ZPBP: variants seen among roughly 807,000 people sequenced by gnomAD.
ZPBP encodes the protein zona pellucida-binding protein 1.
Under a neutral mutation model 44.8 loss-of-function variants are expected in ZPBP, and 26 were observed. That is an observed-to-expected ratio of 0.58 (90% CI 0.43 to 0.81). ZPBP has a LOEUF of 0.81. ZPBP is among the 30% of genes least tolerant of loss of function. The pLI is 0.00. For missense variants in ZPBP, 409 were observed against 434.0 expected (o/e 0.94, Z 0.51); for synonymous variants, 174 against 153.2 (o/e 1.14, Z -1.00).
intron 4 of ZPBP, among the ~76,000 whole-genome samples, chr7:50,041,244 A>T (rs544001463): frequency 3.2e-4 from 48 of 152,322 alleles, no homozygotes; most frequent in African/African-American, 1.0e-3. Flanking sequence ...CAGCAGGCTT[A>T]ACCGCTCCTG....
rs1281899939 is a variant in ZPBP, at chr7:49,937,456, T to C, written c.*72A>G. 1 of 1,156,856 alleles carries C rather than the reference T, an allele frequency of 8.6e-7. No homozygotes were observed. 71.7% of individuals were successfully genotyped at this position (1,156,856 alleles called of 1,614,324 possible). A position where few individuals can be genotyped will look rare whatever the true frequency, so the allele number is the denominator to read the frequency against. ...TAAAATATGATTAATTTTGGCATAA[T>C]AATTTATTATGTTAATATTTCAAAT... On this transcript the variant is annotated 3_prime_UTR_variant, in exon 8 of 8. Coordinates refer to ENST00000046087, the MANE Select transcript of ZPBP (RefSeq NM_007009.3).
intron 4 of ZPBP, among the ~76,000 whole-genome samples, chr7:50,049,127 AACAG>A (rs1800553778): frequency 1.3e-5 from 2 of 152,104 alleles, no homozygotes; most frequent in Admixed American, 6.6e-5. Flanking sequence ...CTCAAGTAGA[AACAG>A]ACAATCTGAT....
intron 6 of ZPBP, among the ~76,000 whole-genome samples, chr7:50,012,943 G>A (rs541288360): frequency 6.6e-6 from 1 of 151,766 alleles, no homozygotes; most frequent in East Asian, 1.9e-4. Flanking sequence ...TAGCAAGGTG[G>A]CATGATACAA....
At chr7:49,924,147 A>G (rs1055767676) in intron 1 of ZPBP, among the ~76,000 whole-genome samples, 2 of 149,758 alleles carry the variant, frequency 1.3e-5, no homozygotes, top group African/African-American at 2.5e-5. Context: ...AATAATAATA[A>G]TAATAATAAT....
intron 7 of ZPBP, among the ~76,000 whole-genome samples, chr7:49,961,773 G>C (rs1295245702): frequency 1.3e-5 from 2 of 152,040 alleles, no homozygotes; most frequent in Non-Finnish European, 2.9e-5. Flanking sequence ...TAACTGAGGA[G>C]AGAGAGAAGA....
chr7:49,893,127 A>C (rs1792215456), intron 2 of ZPBP, among the ~76,000 whole-genome samples: 1 of 152,228 alleles, frequency 6.6e-6, no homozygotes, highest in Non-Finnish European at 1.5e-5. Flanking sequence ...GAGCATGAGA[A>C]TACTTTAGCC....
At chr7:49,999,790 C>T (rs1303271443) in intron 6 of ZPBP, among the ~76,000 whole-genome samples, 1 of 152,160 alleles carries the variant, frequency 6.6e-6, no homozygotes, top group South Asian at 2.1e-4. Context: ...CTCAGTCGAA[C>T]AATTCAAATG....
chr7:49,914,174 A>G (rs1213185762), intron 1 of ZPBP: 1 of 152,252 alleles, frequency 6.6e-6, no homozygotes, highest in Non-Finnish European at 1.5e-5. Flanking sequence ...TAGGTGGGCC[A>G]TTAGTAACCT....
rs556770505 is a variant in ZPBP at position 49,908,415 on chromosome 7, T to G, written n.412-7200A>C. ...CTTAGTGTAAAATGAGACATATAAT[T>G]AAAATCTAAATACAACAGGATAAGC... is the stretch of plus-strand genomic sequence containing the variant. On this transcript the variant is annotated intron_variant and non_coding_transcript_variant, in intron 1 of 2. Transcript: ENST00000465922. Among the ~76,000 whole-genome samples, 4 of 152,256 alleles carry G rather than the reference T, an allele frequency of 2.6e-5. No homozygotes were observed. The East Asian group carries it at 7.7e-4, about 29-fold the overall frequency.
chr7:50,023,738 A>G (rs1799199691), intron 5 of ZPBP, among the ~76,000 whole-genome samples: 1 of 152,112 alleles, frequency 6.6e-6, no homozygotes, highest in African/African-American at 2.4e-5. Flanking sequence ...TAACATGCTA[A>G]GAGTTCTAAT....
intron 6 of ZPBP, among the ~76,000 whole-genome samples, chr7:49,997,151 T>C (rs138832421): frequency 9.8e-4 from 149 of 152,312 alleles, no homozygotes; most frequent in African/African-American, 3.2e-3. Context: ...AAATCACAAA[T>C]TGACTTCAGC....
intron 6 of ZPBP, among the ~76,000 whole-genome samples, chr7:50,004,417 C>A (rs780273353): frequency 7.3e-5 from 11 of 151,286 alleles, no homozygotes; most frequent in African/African-American, 9.8e-5. Context: ...GGTTTTGAGT[C>A]TTTCATTCTA....
At chr7:49,929,105 A>G (rs1036278216) in intron 1 of ZPBP, among the ~76,000 whole-genome samples, 1 of 152,298 alleles carries the variant, frequency 6.6e-6, no homozygotes, top group Admixed American at 6.5e-5. Flanking sequence ...CAGTTTTCCC[A>G]GTGACTTAAG....
chr7:49,853,733 AC>A (rs950096255), intron 2 of ZPBP, among the ~76,000 whole-genome samples: 85 of 151,908 alleles, frequency 5.6e-4, no homozygotes, highest in African/African-American at 2.0e-3. Context: ...TTTTTATTAT[AC>A]TTTAAGTTCT....
chr7:50,018,658 T>C (rs1798934704), intron 5 of ZPBP, among the ~76,000 whole-genome samples: 1 of 151,994 alleles, frequency 6.6e-6, no homozygotes, highest in Admixed American at 6.6e-5. Flanking sequence ...TTCAATACTG[T>C]ATTTAACTCT....
At chr7:50,039,697 T>G (rs1799977652) in intron 4 of ZPBP, among the ~76,000 whole-genome samples, 1 of 152,116 alleles carries the variant, frequency 6.6e-6, no homozygotes, top group Non-Finnish European at 1.5e-5. Context: ...AAATGATAAA[T>G]AAGAAGGCTG....
At chr7:49,977,774 C>T (rs1288838309) in intron 7 of ZPBP, among the ~76,000 whole-genome samples, 1 of 152,150 alleles carries the variant, frequency 6.6e-6, no homozygotes, top group Non-Finnish European at 1.5e-5. Flanking sequence ...AGCAGAAGCA[C>T]GGGCATCCTA....
chr7:49,874,749 T>G (rs1791325864), intron 2 of ZPBP, among the ~76,000 whole-genome samples: 1 of 152,178 alleles, frequency 6.6e-6, no homozygotes, highest in African/African-American at 2.4e-5. Flanking sequence ...GGGGCACCTT[T>G]GCTATAGGAC....
At chr7:50,044,973 T>C (rs1232719157) in intron 4 of ZPBP, among the ~76,000 whole-genome samples, 1 of 152,192 alleles carries the variant, frequency 6.6e-6, no homozygotes, top group African/African-American at 2.4e-5. Context: ...GCTTCAACTC[T>C]GGGATGCAAG....
Sources: gnomAD v4.1 joint callset for allele counts (sites outside exome capture counted in the v4.1 genomes callset) on GRCh38, gnomAD v4.1.1 for gene constraint, MANE v1.5 for transcripts, NCBI Gene and HGNC (gene_info 2026-07-23, HGNC 2026-07-21) for gene names.